CORIN: variants seen among roughly 807,000 people sequenced by gnomAD.
The protein encoded by CORIN is atrial natriuretic peptide-converting enzyme.
In CORIN, 117 loss-of-function variants were observed where a neutral mutation model predicts 125.3. The observed-to-expected ratio is 0.93, with a 90% CI of 0.80 to 1.09. The LOEUF is 1.09. Among genes scored for constraint, CORIN ranks in the 50% least tolerant of loss-of-function variants. The probability of loss-of-function intolerance (pLI) is 0.00; values close to 1 mark genes in which losing one functional copy is unlikely to be tolerated. For missense variants in CORIN, 1,253 were observed against 1,306.7 expected (o/e 0.96, Z 0.63); for synonymous variants, 450 against 466.4 (o/e 0.96, Z 0.45).
At chr4:47,628,126 T>A (rs1722653059) in intron 16 of CORIN, among the ~76,000 whole-genome samples, 1 of 152,150 alleles carries the variant, frequency 6.6e-6, no homozygotes, top group African/African-American at 2.4e-5. Context: ...GAAAATTAGG[T>A]TTCCATGAAA....
At chr4:47,809,124 A>T (rs1731936503) in intron 1 of CORIN, among the ~76,000 whole-genome samples, 1 of 152,224 alleles carries the variant, frequency 6.6e-6, no homozygotes, top group Non-Finnish European at 1.5e-5. Flanking sequence ...ACGAGTTAAA[A>T]AAAGTTGCAA....
intron 2 of CORIN, 138 bp downstream of exon 2, chr4:47,806,765 T>G: frequency 1.2e-6 from 1 of 821,888 alleles, no homozygotes; most frequent in Non-Finnish European, 1.8e-6. Context: ...AAACTGCAGA[T>G]TTGCATAACG....
intron 3 of CORIN, among the ~76,000 whole-genome samples, chr4:47,772,752 A>G (rs920441772): frequency 1.3e-5 from 2 of 150,612 alleles, no homozygotes; most frequent in African/African-American, 5.0e-5. Flanking sequence ...TGTCCAGCAC[A>G]TAGTATGTGA....
chr4:47,629,966 G>A (rs13105718), intron 16 of CORIN, among the ~76,000 whole-genome samples: 39,649 of 151,800 alleles, frequency 0.26, 5,390 homozygotes, highest in Admixed American at 0.36. Flanking sequence ...ATGGTCTCAT[G>A]TCAGAGTACA....
At chr4:47,682,958 G>C (rs62299174) in intron 7 of CORIN, 3 of 152,126 alleles carry the variant, frequency 2.0e-5, no homozygotes, top group African/African-American at 7.2e-5. Flanking sequence ...CCATACCGCT[G>C]ATCCTTCCCA....
At chr4:47,788,892 T>A (rs62299252) in intron 2 of CORIN, among the ~76,000 whole-genome samples, 2 of 152,192 alleles carry the variant, frequency 1.3e-5, no homozygotes, top group Non-Finnish European at 2.9e-5. Flanking sequence ...TTCCTTCTCA[T>A]ATAAAATATT....
intron 5 of CORIN, among the ~76,000 whole-genome samples, chr4:47,743,112 G>GA (rs1372843245): frequency 1.3e-5 from 2 of 151,732 alleles, no homozygotes; most frequent in Non-Finnish European, 2.9e-5. Flanking sequence ...ATGTAAAACT[G>GA]AATGTCAAAA....
intron 5 of CORIN, among the ~76,000 whole-genome samples, chr4:47,697,010 G>A (rs1314788574): frequency 6.6e-6 from 1 of 152,280 alleles, no homozygotes; most frequent in East Asian, 1.9e-4. Flanking sequence ...CCTCGGAAGA[G>A]AAAGCTGACA....
chr4:47,792,243 G>A (rs965632214), intron 2 of CORIN, among the ~76,000 whole-genome samples: 1 of 152,178 alleles, frequency 6.6e-6, no homozygotes, highest in Non-Finnish European at 1.5e-5. Context: ...CAGGAGCCTG[G>A]TAAGAGAAAA....
At chr4:47,648,488 T>C (rs1018617541) in intron 13 of CORIN, among the ~76,000 whole-genome samples, 2 of 152,194 alleles carry the variant, frequency 1.3e-5, no homozygotes, top group East Asian at 3.9e-4. Context: ...GTTTTTTGCT[T>C]ACTCTATCTC....
At chr4:47,721,164 GAC>G (rs1727329115) in intron 5 of CORIN, among the ~76,000 whole-genome samples, 1 of 149,638 alleles carries the variant, frequency 6.7e-6, no homozygotes, top group South Asian at 2.1e-4. Context: ...TGCATGTACA[GAC>G]AGAGAGAGAG....
chr4:47,739,034 A>C (rs1411734357), intron 5 of CORIN, among the ~76,000 whole-genome samples: 5 of 151,970 alleles, frequency 3.3e-5, no homozygotes, highest in African/African-American at 1.2e-4. Context: ...ACAGAAAGAA[A>C]AAAAAGAAGA....
chr4:47,730,107 T>C (rs1379484729), intron 5 of CORIN, among the ~76,000 whole-genome samples: 4 of 152,134 alleles, frequency 2.6e-5, no homozygotes, highest in African/African-American at 4.8e-5. Flanking sequence ...TCACACTGGC[T>C]CCCTGCCCTT....
intron 5 of CORIN, among the ~76,000 whole-genome samples, chr4:47,703,839 G>A (rs1351700137): frequency 6.6e-6 from 1 of 152,196 alleles, no homozygotes; most frequent in Non-Finnish European, 1.5e-5. Context: ...TATCTACTTA[G>A]ACTTGGAAGG....
chr4:47,669,372 A>G (rs1451632505), intron 10 of CORIN, among the ~76,000 whole-genome samples: 1 of 152,128 alleles, frequency 6.6e-6, no homozygotes, highest in Non-Finnish European at 1.5e-5. Context: ...ATATTCAAAA[A>G]TTCATCTTTG....
chr4:47,758,252 G>T (rs1729284031), intron 4 of CORIN, among the ~76,000 whole-genome samples: 1 of 151,736 alleles, frequency 6.6e-6, no homozygotes, highest in African/African-American at 2.4e-5. Flanking sequence ...GCTTACAATA[G>T]CTACAAAAAA....
chr4:47,763,292 A>C, intron 4 of CORIN, 87 bp downstream of exon 4: 1 of 988,028 alleles, frequency 1.0e-6, no homozygotes, highest in Non-Finnish European at 1.5e-6. Context: ...CCAAAATAAA[A>C]GGGAGTCATT....
chr4:47,672,562 G>T (rs565681591), intron 10 of CORIN, among the ~76,000 whole-genome samples: 7 of 152,104 alleles, frequency 4.6e-5, no homozygotes, highest in Admixed American at 6.5e-5. Flanking sequence ...AATTTCCACG[G>T]CAGATTGAGA....
At chr4:47,812,116 A>G (rs1003925502) in intron 1 of CORIN, among the ~76,000 whole-genome samples, 3 of 152,232 alleles carry the variant, frequency 2.0e-5, no homozygotes, top group Non-Finnish European at 4.4e-5. Context: ...AAATTAGCAG[A>G]CAAAACTATT....
Sources: allele counts gnomAD v4.1 joint callset (sites outside exome capture counted in the v4.1 genomes callset), GRCh38; gene constraint gnomAD v4.1.1; transcripts MANE v1.5; gene names NCBI Gene and HGNC (gene_info 2026-07-23, HGNC 2026-07-21).